Variants in PCDHGA5 observed in about 807,000 individuals in gnomAD.
The protein encoded by PCDHGA5 is protocadherin gamma-A5.
PCDHGA5 carries 36 observed loss-of-function variants against 56.7 expected under a neutral mutation model. The ratio of observed to expected loss-of-function variants is 0.64; its 90% CI spans 0.49 to 0.84. The LOEUF is 0.84. PCDHGA5 is among the 40% of genes least tolerant of loss of function. PCDHGA5 has a pLI of 0.00. For synonymous variants in PCDHGA5, 563 were observed against 520.2 expected (o/e 1.08, Z -1.12); for missense variants, 1,305 against 1,201.5 (o/e 1.09, Z -1.27).
chr5:141,366,803 T>C, intron 1 of PCDHGA5, 52 bp downstream of exon 1: 1 of 1,562,322 alleles, frequency 6.4e-7, no homozygotes. Context: ...TTTGTTTCCT[T>C]TTTCATGTTT....
intron 1 of PCDHGA5, chr5:141,418,575 C>T (rs2154547779): frequency 6.2e-7 from 1 of 1,614,018 alleles, no homozygotes; most frequent in East Asian, 2.2e-5. Context: ...AATGACAACC[C>T]CCCAGTGTTC....
intron 1 of PCDHGA5, chr5:141,403,667 GC>G: frequency 6.2e-7 from 1 of 1,613,910 alleles, no homozygotes; most frequent in Non-Finnish European, 8.5e-7. Context: ...AAATGATAAT[GC>G]CCCGGTTTTT....
chr5:141,398,048 G>T, intron 1 of PCDHGA5: 2 of 1,506,604 alleles, frequency 1.3e-6, no homozygotes, highest in South Asian at 1.3e-5. Flanking sequence ...CCCGTTCGGA[G>T]ATCCAAAAAT....
At position 141,512,967 on chromosome 5, in the gene PCDHGA5, T is replaced by C. The variant is rs2099884538; in HGVS notation, c.*1794T>C. ...CGACAAAAAAATAATAAAACGTTTC[T>C]TCTGAAAAGCTGAACGTTTCTGTAT... On this transcript the variant is annotated 3_prime_UTR_variant, in exon 4 of 4. Transcript: ENST00000518069. The C allele has an allele frequency of 6.6e-6, 1 of 152,260 alleles. No individual in the cohort carries two copies. Among genetic ancestry groups the C allele is most frequent in the South Asian group, 2.1e-4 (1 of 4,832 alleles). The allele number at this position is 152,260 out of a possible 1,614,324, so 9.4% of individuals were successfully genotyped here.
rs979237199 is a variant in PCDHGA5, at chr5:141,477,828, G to C, written c.2422-16979G>C. On this transcript the variant is annotated intron_variant, in intron 1 of 3. Transcript: ENST00000518069. This position sits in a 1 kb window ranked among gnomAD's most constrained non-coding sequence, Gnocchi z 4.9. Reference sequence around the variant, plus strand: ...AATGCCCCCCAGGTCCTATATCCTCGGCCAGGTGGGAGCTCGGTGGAGATG... The same window carrying C: ...AATGCCCCCCAGGTCCTATATCCTCCGCCAGGTGGGAGCTCGGTGGAGATG... The C allele has an allele frequency of 3.7e-6, 6 of 1,614,082 alleles. No individual in the cohort carries two copies. The highest frequency in any genetic ancestry group is 3.4e-6 in the Non-Finnish European group (4 of 1,180,006).
intron 1 of PCDHGA5, chr5:141,399,725 A>G (rs2093873556): frequency 6.2e-7 from 1 of 1,613,192 alleles, no homozygotes; most frequent in Admixed American, 1.7e-5. Flanking sequence ...GCCCGCGACC[A>G]GGGCTCGCCT....
chr5:141,383,340 T>C (rs1475808617), intron 1 of PCDHGA5: 15 of 1,614,016 alleles, frequency 9.3e-6, no homozygotes, highest in Non-Finnish European at 1.2e-5. Context: ...AGAATACAGC[T>C]CCTGGGGTTC....
chr5:141,394,302 C>T (rs1380425662), intron 1 of PCDHGA5: 1 of 1,614,010 alleles, frequency 6.2e-7, no homozygotes, highest in Non-Finnish European at 8.5e-7. Flanking sequence ...GGACACGCTG[C>T]AGGGGGCGCC....
chr5:141,396,908 C>CA (rs1453541436), intron 1 of PCDHGA5, among the ~76,000 whole-genome samples: 1 of 152,146 alleles, frequency 6.6e-6, no homozygotes, highest in African/African-American at 2.4e-5. Flanking sequence ...TGGCACTTTG[C>CA]AATTTTAAAA....
intron 1 of PCDHGA5, among the ~76,000 whole-genome samples, chr5:141,456,303 G>A (rs941370138): frequency 6.6e-6 from 1 of 152,156 alleles, no homozygotes; most frequent in Non-Finnish European, 1.5e-5. Flanking sequence ...ATGGAGAACA[G>A]CAGCTAGGGC....
At chr5:141,372,454 A>C in intron 1 of PCDHGA5, 1 of 1,613,990 alleles carries the variant, frequency 6.2e-7, no homozygotes. Context: ...CCTCAGGCGG[A>C]GCTACAGTTT....
Position 141,487,323 on chromosome 5 carries a change from G to T in PCDHGA5, c.2422-7484G>T. The T allele has an allele frequency of 6.2e-7, 1 of 1,614,100 alleles. No homozygotes were observed. The highest frequency in any genetic ancestry group is 8.5e-7 in the Non-Finnish European group (1 of 1,180,004). On this transcript the variant is annotated intron_variant, in intron 1 of 3. Coordinates refer to ENST00000518069, the MANE Select transcript of PCDHGA5 (RefSeq NM_018918.3). This position sits in a 1 kb window ranked among gnomAD's most constrained non-coding sequence, Gnocchi z 5.0. ...GTGGCACTACTCTCTAAGTGTCTTC[G>T]TGGGGCAGCCTGTGGAGTCACATGC... is the stretch of plus-strand genomic sequence containing the variant.
intron 1 of PCDHGA5, chr5:141,384,866 C>T: frequency 6.2e-7 from 1 of 1,613,720 alleles, no homozygotes; most frequent in African/African-American, 1.3e-5. Flanking sequence ...CCTCTGTCAG[C>T]CACCGTCACA....
chr5:141,503,214 T>C (rs994291483), intron 2 of PCDHGA5, among the ~76,000 whole-genome samples: 7 of 152,096 alleles, frequency 4.6e-5, no homozygotes, highest in African/African-American at 1.7e-4. Flanking sequence ...GTGCCCACCA[T>C]GAGCACCGTA....
chr5:141,460,278 G>C (rs1380767218), intron 1 of PCDHGA5, among the ~76,000 whole-genome samples: 1 of 151,964 alleles, frequency 6.6e-6, no homozygotes, highest in African/African-American at 2.4e-5. Context: ...TTCTTTTATA[G>C]TTTGTATTTC....
rs188773052 is a variant in PCDHGA5, at chr5:141,365,000, G to C, written c.670G>C (p.Gly224Arg). ...AGATGGCGGAGACCCGGTACTCTCC[G>C]GCACCACGCACATCCGTGTTACGGT... ...ALDGGDPVLS[G>R]TTHIRVTVLD... The change falls in exon 1 of 4, where the codon GGC becomes CGC. Residue 224 changes from glycine to arginine, a missense_variant. By Grantham distance (125) the Gly-to-Arg change is moderately radical. Coordinates refer to ENST00000518069, the MANE Select transcript of PCDHGA5 (RefSeq NM_018918.3). The C allele has an allele frequency of 9.9e-6, 16 of 1,613,704 alleles. No homozygotes were observed. Among genetic ancestry groups the C allele is most frequent in the South Asian group, 3.3e-5 (3 of 91,088 alleles).
chr5:141,508,714 G>A (rs775462794), intron 3 of PCDHGA5, among the ~76,000 whole-genome samples: 16 of 151,880 alleles, frequency 1.1e-4, no homozygotes, highest in Admixed American at 2.0e-4. Context: ...ATTCTTTTCT[G>A]TGTGCAGGGA....
intron 1 of PCDHGA5, chr5:141,399,826 G>C (rs2093897872): frequency 1.2e-6 from 2 of 1,613,066 alleles, no homozygotes; most frequent in Non-Finnish European, 1.7e-6. Context: ...GGGTCCCGAC[G>C]GCTCTGCGCT....
intron 1 of PCDHGA5, chr5:141,427,440 G>C (rs747459662): frequency 4.2e-6 from 2 of 477,366 alleles, no homozygotes; most frequent in African/African-American, 2.0e-5. Flanking sequence ...CCTCATAAAC[G>C]AAAGAGTTCC....
Sources: gnomAD v4.1 joint callset for allele counts (sites outside exome capture counted in the v4.1 genomes callset) on GRCh38, gnomAD v4.1.1 for gene constraint, Gnocchi (gnomAD v3.1) non-coding constraint, MANE v1.5 for transcripts, NCBI Gene and HGNC (gene_info 2026-07-23, HGNC 2026-07-21) for gene names.